Variants in EFCAB8 observed in about 807,000 individuals in gnomAD.
The protein encoded by EFCAB8 is EF-hand calcium-binding domain-containing protein 8.
A neutral mutation model predicts 116.3 loss-of-function variants in EFCAB8; 100 were observed. That is an observed-to-expected ratio of 0.86 (90% confidence interval 0.73 to 1.02). The LOEUF is 1.02. EFCAB8 is among the 50% of genes least tolerant of loss of function. The pLI, the probability that EFCAB8 is intolerant of heterozygous loss-of-function variation, is 0.00. For synonymous variants in EFCAB8, 558 were observed against 567.9 expected, an observed-to-expected ratio of 0.98 and a Z score of 0.25; for missense variants, 1,320 against 1,416.9, an observed-to-expected ratio of 0.93 and a Z score of 1.10.
intron 22 of EFCAB8, among the ~76,000 whole-genome samples, chr20:32,932,144 C>T (rs1031524600): frequency 9.2e-5 from 14 of 152,190 alleles, no homozygotes; most frequent in African/African-American, 3.1e-4. Context: ...TTTGGGAGGC[C>T]AAGGCTGGTG....
Position 32,923,340 on chromosome 20 carries a change from G to C in EFCAB8, c.2412+3125G>C, listed in dbSNP as rs141066403. ...GTCTCTACTAAAATACAAAAAATTA[G>C]CCAGGGGTGGCAGCATACTCCTGTA... On this transcript the variant is annotated intron_variant, in intron 20 of 26. Coordinates refer to ENST00000400522, the MANE Select transcript of EFCAB8 (RefSeq NM_001143967.2). Among the ~76,000 whole-genome samples, 215 of 152,168 alleles carry C rather than the reference G, an allele frequency of 1.4e-3. 1 individual carries two copies. Among genetic ancestry groups the C allele is most frequent in the Middle Eastern group, 6.8e-3 (2 of 294 alleles).
intron 8 of EFCAB8, 87 bp downstream of exon 8, chr20:32,892,384 C>A: frequency 8.3e-7 from 1 of 1,199,828 alleles, no homozygotes; most frequent in Non-Finnish European, 1.2e-6. Flanking sequence ...TTGGGGCCCC[C>A]AGAAAGCCTC....
chr20:32,890,448 G>A (rs768957602), intron 7 of EFCAB8, among the ~76,000 whole-genome samples: 2 of 151,922 alleles, frequency 1.3e-5, no homozygotes, highest in African/African-American at 4.8e-5. Flanking sequence ...CATCTCACAT[G>A]TATTAGTTTG....
At chr20:32,923,818 C>T (rs777464363) in intron 20 of EFCAB8, among the ~76,000 whole-genome samples, 12 of 152,170 alleles carry the variant, frequency 7.9e-5, no homozygotes, top group Non-Finnish European at 1.3e-4. Context: ...CCTGGGTACA[C>T]TGCACAGAGT....
intron 23 of EFCAB8, among the ~76,000 whole-genome samples, chr20:32,949,133 A>G (rs778481873): frequency 4.6e-5 from 7 of 152,256 alleles, no homozygotes; most frequent in Non-Finnish European, 1.0e-4. Context: ...GTTGCAGGAT[A>G]CAAGATCAAT....
intron 11 of EFCAB8, among the ~76,000 whole-genome samples, chr20:32,902,879 G>A (rs1484631596): frequency 6.6e-6 from 1 of 152,172 alleles, no homozygotes; most frequent in African/African-American, 2.4e-5. Flanking sequence ...TGACGGAGCG[G>A]GTGTGGTAGC....
rs141486408 is a variant in EFCAB8, at chr20:32,906,868, C to T, written c.1182C>T (p.Ile394=). The T allele has an allele frequency of 3.3e-4, 506 of 1,535,722 alleles. 1 individual carries two copies. In the African/African-American group the frequency reaches 6.2e-3, roughly 19 times the overall value. ...FLVTGGYDAF[I]RLWNPFVSKR... ...TGACTGGTGGCTACGATGCCTTCAT[C>T]CGCCTGTGGAACCCCTTTGTCTCAA... is the stretch of plus-strand genomic sequence containing the variant. The change falls in exon 13 of 27, where the codon ATC becomes ATT. Residue 394 remains isoleucine, a synonymous_variant. Coordinates refer to ENST00000400522, the MANE Select transcript of EFCAB8 (RefSeq NM_001143967.2).
chr20:32,960,205 C>A, intron 26 of EFCAB8, 44 bp downstream of exon 26: 1 of 1,515,800 alleles, frequency 6.6e-7, no homozygotes, highest in South Asian at 1.2e-5. Context: ...GGGTCAGGGG[C>A]CAGGGGATCC....
intron 15 of EFCAB8, 43 bp downstream of exon 15, chr20:32,909,974 A>T (rs1986844675): frequency 3.6e-6 from 4 of 1,096,848 alleles, no homozygotes; most frequent in Non-Finnish European, 4.7e-6. Context: ...CGGGAACACC[A>T]GGTGACACGG....
Position 32,874,802 on chromosome 20 carries a change from G to A in EFCAB8, c.209-1124G>A, listed in dbSNP as rs1047659311. The stretch of plus-strand genomic sequence containing the variant: ...GGCTCTGTTGCCCAGGCTGGAGTGC[G>A]TTGGTGTGATCTCGGCTCACTGCAA... On this transcript the variant is annotated intron_variant, in intron 3 of 26. Coordinates refer to ENST00000400522, the MANE Select transcript of EFCAB8 (RefSeq NM_001143967.2). Among the ~76,000 whole-genome samples the A allele has an allele frequency of 4.6e-5, 7 of 151,160 alleles. No individual in the cohort carries two copies. The South Asian group carries it at 6.3e-4, about 14-fold the overall frequency.
intron 1 of EFCAB8, among the ~76,000 whole-genome samples, chr20:32,859,732 C>A (rs938607940): frequency 2.0e-5 from 3 of 152,146 alleles, no homozygotes; most frequent in African/African-American, 7.2e-5. Flanking sequence ...AGACATCATG[C>A]CCTTTTACCC....
intron 8 of EFCAB8, 64 bp from the exon 9 acceptor site, chr20:32,893,110 G>A (rs1015229454): frequency 1.3e-6 from 2 of 1,543,944 alleles, no homozygotes; most frequent in East Asian, 4.9e-5. Context: ...CAGAGTGCTG[G>A]TCTTACAGGT....
At chr20:32,942,064 T>C (rs988645951) in intron 22 of EFCAB8, among the ~76,000 whole-genome samples, 4 of 152,248 alleles carry the variant, frequency 2.6e-5, no homozygotes, top group Non-Finnish European at 4.4e-5. Flanking sequence ...TTATACAGTT[T>C]TGCATTTCAT....
chr20:32,956,519 C>A (rs746957133), intron 23 of EFCAB8, among the ~76,000 whole-genome samples: 3 of 151,916 alleles, frequency 2.0e-5, no homozygotes, highest in Non-Finnish European at 4.4e-5. Flanking sequence ...CTGAAAATAT[C>A]TTTATTTTGC....
chr20:32,957,208 T>A (rs956616846), intron 23 of EFCAB8, among the ~76,000 whole-genome samples: 3 of 152,092 alleles, frequency 2.0e-5, no homozygotes, highest in African/African-American at 7.2e-5. Flanking sequence ...AAAGTTTTAA[T>A]CTGCTAACTC....
intron 23 of EFCAB8, among the ~76,000 whole-genome samples, chr20:32,956,724 T>C (rs1432198220): frequency 1.3e-5 from 2 of 152,136 alleles, no homozygotes; most frequent in Admixed American, 1.3e-4. Flanking sequence ...AGTTTGACTA[T>C]GATGTGCGTA....
At chr20:32,901,112 A>G (rs1302618364) in intron 11 of EFCAB8, among the ~76,000 whole-genome samples, 3 of 152,200 alleles carry the variant, frequency 2.0e-5, no homozygotes, top group African/African-American at 4.8e-5. Flanking sequence ...GTGAAGGGGA[A>G]GTTTCAGTCT....
chr20:32,886,769 A>G (rs951793899), intron 6 of EFCAB8, among the ~76,000 whole-genome samples: 5 of 152,168 alleles, frequency 3.3e-5, no homozygotes, highest in African/African-American at 4.8e-5. Flanking sequence ...CTCTCTGGGA[A>G]GGCGCAGCAG....
rs1359388388 is a variant in EFCAB8, at chr20:32,906,838, C to A, written c.1157-5C>A. ...CTGGGACTGACACCCACGTCTTGAC[C>A]ACAGTGACTGGTGGCTACGATGCCT... On this transcript the variant is annotated splice_polypyrimidine_tract_variant and splice_region_variant and intron_variant, in intron 12 of 26. Transcript: ENST00000400522. The A allele has an allele frequency of 7.1e-7, 1 of 1,405,956 alleles. No individual in the cohort carries two copies. Among genetic ancestry groups the A allele is most frequent in the Admixed American group, 2.0e-5 (1 of 50,824 alleles). 87.1% of individuals were successfully genotyped at this position (1,405,956 alleles called of 1,614,324 possible).
Sources: gnomAD v4.1 joint callset for allele counts (sites outside exome capture counted in the v4.1 genomes callset) on GRCh38, gnomAD v4.1.1 for gene constraint, MANE v1.5 for transcripts, NCBI Gene and HGNC (gene_info 2026-07-23, HGNC 2026-07-21) for gene names.